INCA1: variants seen among roughly 807,000 people sequenced by gnomAD.
The protein encoded by INCA1 is inhibitor of CDK, cyclin A1 interacting protein 1, also known as protein INCA1.
INCA1 carries 28 observed loss-of-function variants against 25.7 expected under a neutral mutation model. The observed-to-expected ratio is 1.09, with a 90% confidence interval of 0.81 to 1.49. The LOEUF (loss-of-function observed/expected upper bound fraction) is 1.49. Among genes scored for constraint, INCA1 ranks in the 40% most tolerant of loss-of-function variants. The pLI, the probability that INCA1 is intolerant of heterozygous loss-of-function variation, is 0.00. For synonymous variants in INCA1, 111 were observed against 103.6 expected (o/e 1.07, Z -0.43); for missense variants, 309 against 290.9 (o/e 1.06, Z -0.45).
chr17:4,994,286 G>A, intron 2 of INCA1, 108 bp downstream of exon 2: 1 of 946,206 alleles, frequency 1.1e-6, no homozygotes, highest in South Asian at 1.3e-5. Context: ...CTGAGACCAG[G>A]CATTGCATTT....
At chr17:4,994,414 G>T (rs780900041) in exon 2 of INCA1, 2 of 1,613,752 alleles carry the variant, frequency 1.2e-6, no homozygotes, top group African/African-American at 1.3e-5. Flanking sequence ...GGATGAGGTT[G>T]ACTCCATCAT....
chr17:4,990,651 G>A (rs1406368030), intron 2 of INCA1, among the ~76,000 whole-genome samples: 2 of 151,970 alleles, frequency 1.3e-5, no homozygotes, highest in East Asian at 2.0e-4. Context: ...GGAGGCTGAT[G>A]TGGGTGGATC....
upstream of INCA1, chr17:4,997,496 C>T (rs1353488247): frequency 6.6e-6 from 1 of 152,224 alleles, no homozygotes; most frequent in Non-Finnish European, 1.5e-5. Flanking sequence ...GCCCCAGCAC[C>T]TGAAGCAGCT....
At chr17:4,993,697 T>C (rs1974032678) in intron 2 of INCA1, among the ~76,000 whole-genome samples, 1 of 151,486 alleles carries the variant, frequency 6.6e-6, no homozygotes, top group Admixed American at 6.6e-5. Context: ...CTTGATCTCC[T>C]GACCTCGTGA....
At chr17:4,989,953 A>G (rs747222914) in intron 3 of INCA1, 24 bp from the exon 4 acceptor site, 17 of 1,614,044 alleles carry the variant, frequency 1.1e-5, no homozygotes, top group Admixed American at 5.0e-5. Flanking sequence ...AAAGGGGGCT[A>G]TAAGTGCAGA....
chr17:4,990,345 T>C (rs1297879810), intron 2 of INCA1, 80 bp from the exon 3 acceptor site: 9 of 1,485,464 alleles, frequency 6.1e-6, no homozygotes, highest in Middle Eastern at 2.1e-4. Context: ...AGGGGCCATC[T>C]TTCCATGGGA....
chr17:4,990,325 C>T lies in INCA1; in HGVS notation c.45-60G>A, dbSNP rs1973786532. On this transcript the variant is annotated intron_variant, in intron 2 of 6. Coordinates refer to ENST00000576820, the Ensembl canonical transcript of INCA1. ...CTTCCCTTACAGCAGTCTACTCATC[C>T]CAAGGATTCAGGGGCCATCTTTCCA... The T allele has an allele frequency of 3.2e-6, 5 of 1,544,224 alleles. No homozygotes were observed. In the African/African-American group the frequency reaches 5.5e-5, roughly 17 times the overall value.
chr17:4,988,712 G>T, intron 6 of INCA1, 67 bp downstream of exon 6: 2 of 1,592,136 alleles, frequency 1.3e-6, no homozygotes, highest in Non-Finnish European at 1.7e-6. Flanking sequence ...CTCAGCTTCT[G>T]CATCTCCATG....
chr17:4,988,452 G>A, exon 7 of INCA1: 6 of 1,613,594 alleles, frequency 3.7e-6, no homozygotes, highest in Non-Finnish European at 5.1e-6. Flanking sequence ...TTGTGAAGGG[G>A]GTTCCTTCTG....
chr17:4,989,977 T>C (rs766640258), intron 3 of INCA1, 48 bp from the exon 4 acceptor site: 49 of 1,613,086 alleles, frequency 3.0e-5, no homozygotes, highest in Non-Finnish European at 3.9e-5. Flanking sequence ...GACATGTCCA[T>C]CCATATTGCT....
At chr17:4,993,235 A>G (rs931467928) in intron 2 of INCA1, among the ~76,000 whole-genome samples, 16 of 151,726 alleles carry the variant, frequency 1.1e-4, no homozygotes, top group Middle Eastern at 6.8e-3. Flanking sequence ...GCTGGAGTGC[A>G]ATGGCTCGGT....
chr17:4,988,529 A>AG lies in INCA1; in HGVS notation c.586dup (p.Leu196ProfsTer40). ...GGAGGCACAAGCCTCCTCCTGATCC[A>AG]GGGGGCTCCAGGGAGACCAAAGCAG... On this transcript the variant is annotated frameshift_variant, in exon 7 of 7. Coordinates refer to ENST00000576820, the Ensembl canonical transcript of INCA1. LOFTEE classifies it low-confidence loss of function (END_TRUNC). 1 of 1,610,150 alleles carries AG rather than the reference A, an allele frequency of 6.2e-7. No individual in the cohort carries two copies. The highest frequency in any genetic ancestry group is 1.3e-5 in the African/African-American group (1 of 74,736).
chr17:4,996,438 TTGGGAGGCTGAGG>T (rs1974268572), intron 1 of INCA1, among the ~76,000 whole-genome samples: 1 of 149,920 alleles, frequency 6.7e-6, no homozygotes, highest in African/African-American at 2.5e-5. Context: ...TCCCAGCACT[TTGGGAGGCTGAGG>T]TGGGCGGATC....
upstream of INCA1, chr17:4,997,375 C>G (rs1490784493): frequency 6.6e-6 from 1 of 152,290 alleles, no homozygotes; most frequent in South Asian, 2.1e-4. Context: ...TTAGGCGGCA[C>G]CCGGGCCTGA....
At chr17:4,991,116 C>T (rs1316732618) in intron 2 of INCA1, among the ~76,000 whole-genome samples, 2 of 151,600 alleles carry the variant, frequency 1.3e-5, no homozygotes, top group Admixed American at 6.6e-5. Context: ...CGGGGTTTTG[C>T]CATGTTAGCC....
exon 6 of INCA1, chr17:4,988,844 G>A (rs2143150925): frequency 6.2e-7 from 1 of 1,614,242 alleles, no homozygotes; most frequent in African/African-American, 1.3e-5. Flanking sequence ...TCCTCTTCCA[G>A]ATCAGGGTAT....
chr17:4,993,123 G>C (rs960397661), intron 2 of INCA1, among the ~76,000 whole-genome samples: 1 of 150,584 alleles, frequency 6.6e-6, no homozygotes, highest in Non-Finnish European at 1.5e-5. Flanking sequence ...AAGGTAATCC[G>C]CCCGCCTTGG....
chr17:4,993,389 G>A (rs1974008225), intron 2 of INCA1, among the ~76,000 whole-genome samples: 1 of 151,986 alleles, frequency 6.6e-6, no homozygotes, highest in South Asian at 2.1e-4. Flanking sequence ...ATGTTGGTCA[G>A]GCTGGTCTCA....
At position 4,990,194 on chromosome 17, in the gene INCA1, C is replaced by T. The variant is rs200914054; in HGVS notation, c.116G>A (p.Arg39His). The change falls in exon 3 of 7, where the codon CGT (arginine) becomes CAT (histidine). Residue 39 changes from arginine to histidine, a missense_variant. Arg to His is a conservative substitution (Grantham distance 29, BLOSUM62 0). Coordinates refer to ENST00000576820, the Ensembl canonical transcript of INCA1. ...GTTCTTCCAGAAGACATCTCCATAA[C>T]GCTGGGGCATGGGTCTGAGGCTCTG... 42 of 1,614,154 alleles carry T rather than the reference C, an allele frequency of 2.6e-5. No homozygotes were observed. The highest frequency in any genetic ancestry group is 4.0e-5 in the African/African-American group (3 of 75,034).
Sources: gnomAD v4.1 joint callset for allele counts (sites outside exome capture counted in the v4.1 genomes callset) on GRCh38, gnomAD v4.1.1 for gene constraint, MANE v1.5 for transcripts, NCBI Gene and HGNC (gene_info 2026-07-23, HGNC 2026-07-21) for gene names.